The following THY1 variants were observed in gnomAD, a reference collection of about 807,000 sequenced individuals.
The protein encoded by THY1 is Thy-1 cell surface antigen.
In THY1, 10 loss-of-function variants were observed where a neutral mutation model predicts 14.9. That is an observed-to-expected ratio of 0.67 (90% CI 0.41 to 1.14). The LOEUF (loss-of-function observed/expected upper bound fraction) is 1.14, where lower values mean the gene tolerates loss of function less well. Among genes scored for constraint, THY1 ranks in the 50% most tolerant of loss-of-function variants. The pLI, the probability that THY1 is intolerant of heterozygous loss-of-function variation, is 0.00. For missense variants in THY1, 159 were observed against 202.1 expected, an observed-to-expected ratio of 0.79 and a Z score of 1.29; for synonymous variants, 80 against 90.0, an observed-to-expected ratio of 0.89 and a Z score of 0.63.
In THY1 at chr11:119,417,445, G is replaced by C. The variant is rs1861799794; in HGVS notation, c.*1963C>G. 2 of 152,176 alleles carry C rather than the reference G, an allele frequency of 1.3e-5. No homozygotes were observed. The highest frequency in any genetic ancestry group is 4.8e-5 in the African/African-American group (2 of 41,426). 9.4% of individuals were successfully genotyped at this position (152,176 alleles called of 1,614,324 possible). ...TCATCCTACCCAGTGCTAAATATCA[G>C]ATGAGTCAGCCTCTGGGCAGCTGTC... On this transcript the variant is annotated 3_prime_UTR_variant, in exon 4 of 4. Transcript: ENST00000284240.
chr11:119,418,686 A>C lies in THY1; in HGVS notation c.*722T>G, dbSNP rs1591357688. 1 of 152,808 alleles carries C rather than the reference A, an allele frequency of 6.5e-6. No individual in the cohort carries two copies. Among genetic ancestry groups the C allele is most frequent in the Non-Finnish European group, 1.5e-5 (1 of 68,546 alleles). The allele number at this position is 152,808 out of a possible 1,614,324, so 9.5% of individuals were successfully genotyped here. A position where few individuals can be genotyped will look rare whatever the true frequency, so the allele number is the denominator to read the frequency against. On this transcript the variant is annotated 3_prime_UTR_variant, in exon 4 of 4. Transcript: ENST00000284240. The stretch of plus-strand genomic sequence containing the variant: ...AGGCAGGGAGGGATGATGAACCCTC[A>C]TCCTTTACCTCCTTCTCCAACCCTC...
In THY1 at chr11:119,418,941, G is replaced by C. The variant is rs868584768; in HGVS notation, c.*467C>G. 9 of 244,766 alleles carry C rather than the reference G, an allele frequency of 3.7e-5. 1 individual carries two copies. The highest frequency in any genetic ancestry group is 1.1e-4 in the South Asian group (2 of 17,736). The allele number at this position is 244,766 out of a possible 1,614,324, so 15.2% of individuals were successfully genotyped here. ...CCAGCCATGCCTGCCGAGGAGTGCTGTCAGGACAGACCATGTCCGTGCTAG... is the reference window on the plus strand; with the variant it reads ...CCAGCCATGCCTGCCGAGGAGTGCTCTCAGGACAGACCATGTCCGTGCTAG... On this transcript the variant is annotated 3_prime_UTR_variant, in exon 4 of 4. Coordinates refer to ENST00000284240, the MANE Select transcript of THY1 (RefSeq NM_006288.5).
intron 2 of THY1, 177 bp downstream of exon 2, chr11:119,420,692 T>C (rs1591359639): frequency 1.2e-6 from 1 of 836,132 alleles, no homozygotes; most frequent in Non-Finnish European, 1.9e-6. Flanking sequence ...AAACTGTGTT[T>C]TCAAAAACCA....
Position 119,415,889 on chromosome 11 carries a change from T to C in THY1, c.*3519A>G, listed in dbSNP as rs2135430385. On this transcript the variant is annotated 3_prime_UTR_variant, in exon 4 of 4. Transcript: ENST00000284240. ...TCCAGCTCCAACATTTTCTCACTAG[T>C]AAATGAGATGATTTACTCTTGACTT... 6.7e-6 allele frequency among the ~76,000 whole-genome samples: 1 copy of C among 150,284 alleles called. No individual in the cohort carries two copies. The highest frequency in any genetic ancestry group is 6.7e-5 in the Admixed American group (1 of 15,006).
At chr11:119,423,172 TGCAC>T (rs1861947009), upstream of THY1, 1 of 454,906 alleles carries the variant, frequency 2.2e-6, no homozygotes, top group Admixed American at 2.4e-5. Flanking sequence ...CTCCGGTTGC[TGCAC>T]CCAGCTCGGA....
chr11:119,417,152 C>T lies in THY1; in HGVS notation c.*2256G>A, dbSNP rs1222129123. 6.6e-6 allele frequency among the ~76,000 whole-genome samples: 1 copy of T among 152,232 alleles called. No homozygotes were observed. The highest frequency in any genetic ancestry group is 1.5e-5 in the Non-Finnish European group (1 of 68,032). On this transcript the variant is annotated 3_prime_UTR_variant, in exon 4 of 4. Coordinates refer to ENST00000284240, the MANE Select transcript of THY1 (RefSeq NM_006288.5). Reference sequence around the variant, plus strand: ...AGCTCTTCTCACCAAGATGCCTTTCCTTGGCACGGCGCTTGCAGCCCAAGC... The same window carrying T: ...AGCTCTTCTCACCAAGATGCCTTTCTTTGGCACGGCGCTTGCAGCCCAAGC...
chr11:119,424,022 C>G (rs139441841), upstream of THY1: 1 of 152,558 alleles, frequency 6.6e-6, no homozygotes, highest in Non-Finnish European at 1.5e-5. Context: ...CCATCTCAAT[C>G]CTCACCTCCT....
chr11:119,420,814 T>A, intron 2 of THY1, 55 bp downstream of exon 2: 2 of 1,608,802 alleles, frequency 1.2e-6, no homozygotes, highest in Non-Finnish European at 1.7e-6. Context: ...GCTGCTTCTC[T>A]GGAGGGAAGG....
At chr11:119,419,601 G>GGT (rs1861855722) in intron 3 of THY1, 81 bp from the exon 4 acceptor site, 2 of 1,132,024 alleles carry the variant, frequency 1.8e-6, no homozygotes, top group Non-Finnish European at 2.7e-6. Context: ...CCAAAGCAAG[G>GGT]GTGTACTCCC....
chr11:119,419,079 A>G lies in THY1; in HGVS notation c.*329T>C, dbSNP rs1861838590. 2.8e-6 allele frequency: 1 copy of G among 362,228 alleles called. No individual in the cohort carries two copies. 22.4% of individuals were successfully genotyped at this position (362,228 alleles called of 1,614,324 possible). ...ACCCCACCATCCCACTACCCCTCAC[A>G]TGCTCTCACTCTCCATCAGGTCCCC... On this transcript the variant is annotated 3_prime_UTR_variant, in exon 4 of 4. Transcript: ENST00000284240.
chr11:119,420,778 C>A, intron 2 of THY1, 91 bp downstream of exon 2: 4 of 1,490,166 alleles, frequency 2.7e-6, no homozygotes, highest in Non-Finnish European at 3.7e-6. Flanking sequence ...TTGTCACCTG[C>A]GCTTTTCTGA....
At position 119,416,190 on chromosome 11, in the gene THY1, G is replaced by A. The variant is rs1246665820; in HGVS notation, c.*3218C>T. Among the ~76,000 whole-genome samples, 1 of 152,184 alleles carries A rather than the reference G, an allele frequency of 6.6e-6. No homozygotes were observed. The highest frequency in any genetic ancestry group is 2.1e-4 in the South Asian group (1 of 4,818). ...GCAGAGAGGGGCTTCTGTTGCTCTTGAGCGGGAATTCCACGGCCCTAGGTA... is the reference window on the plus strand; with the variant it reads ...GCAGAGAGGGGCTTCTGTTGCTCTTAAGCGGGAATTCCACGGCCCTAGGTA... On this transcript the variant is annotated 3_prime_UTR_variant, in exon 4 of 4. Transcript: ENST00000284240.
chr11:119,419,578 G>T, intron 3 of THY1, 58 bp from the exon 4 acceptor site: 1 of 1,382,120 alleles, frequency 7.2e-7, no homozygotes, highest in Non-Finnish European at 1.0e-6. Context: ...TCAGGACTCA[G>T]GCAGGCACAG....
In THY1 at chr11:119,416,707, G is replaced by A. The variant is rs571061851; in HGVS notation, c.*2701C>T. On this transcript the variant is annotated 3_prime_UTR_variant, in exon 4 of 4. Coordinates refer to ENST00000284240, the MANE Select transcript of THY1 (RefSeq NM_006288.5). Reference sequence around the variant, plus strand: ...TCGAACTCCTGACCTCAAGCGATCCGCCTCTTCCCAAAGTGGTGGGATTAC... The same window carrying A: ...TCGAACTCCTGACCTCAAGCGATCCACCTCTTCCCAAAGTGGTGGGATTAC... 2.0e-5 allele frequency among the ~76,000 whole-genome samples: 3 copies of A among 152,122 alleles called. No homozygotes were observed. The highest frequency in any genetic ancestry group is 2.9e-5 in the Non-Finnish European group (2 of 68,012).
At chr11:119,421,142 C>T (rs1034277976) in intron 1 of THY1, 28 of 499,642 alleles carry the variant, frequency 5.6e-5, no homozygotes, top group African/African-American at 2.3e-4. Context: ...AGCCCAGTCA[C>T]GGTGTGTTTC....
Position 119,416,919 on chromosome 11 carries a change from C to G in THY1, c.*2489G>C, listed in dbSNP as rs199703160. Among the ~76,000 whole-genome samples the G allele has an allele frequency of 3.0e-4, 45 of 152,352 alleles. No individual in the cohort carries two copies. The highest frequency in any genetic ancestry group is 2.1e-3 in the East Asian group (11 of 5,192). Reference sequence around the variant, plus strand: ...ATGGCTGCAGAGGGCAACACCATCTCCCAGCACCCTTCTAAGAGTGTGGCT... The same window carrying G: ...ATGGCTGCAGAGGGCAACACCATCTGCCAGCACCCTTCTAAGAGTGTGGCT... On this transcript the variant is annotated 3_prime_UTR_variant, in exon 4 of 4. Coordinates refer to ENST00000284240, the MANE Select transcript of THY1 (RefSeq NM_006288.5).
At chr11:119,421,649 G>A (rs1861902558) in intron 1 of THY1, 1 of 152,250 alleles carries the variant, frequency 6.6e-6, no homozygotes, top group African/African-American at 2.4e-5. Flanking sequence ...ACCAACATCT[G>A]GCGATGACTG....
chr11:119,423,569 C>T (rs185030375), upstream of THY1: 214 of 205,950 alleles, frequency 1.0e-3, no homozygotes, highest in African/African-American at 4.9e-3. Context: ...GCCGGGAGCG[C>T]CCACGCCTCC....
At position 119,419,207 on chromosome 11, in the gene THY1, C is replaced by T; in HGVS notation, c.*201G>A. ...GGAACAAAAAGTACAAAAAGACAGC[C>T]AGAGGTGTGCGGAGAGGGTGAGGTG... On this transcript the variant is annotated 3_prime_UTR_variant, in exon 4 of 4. Coordinates refer to ENST00000284240, the MANE Select transcript of THY1 (RefSeq NM_006288.5). The T allele has an allele frequency of 3.1e-6, 2 of 642,294 alleles. No individual in the cohort carries two copies. The highest frequency in any genetic ancestry group is 2.9e-5 in the East Asian group (1 of 34,858). The allele number at this position is 642,294 out of a possible 1,614,324, so 39.8% of individuals were successfully genotyped here. A position where few individuals can be genotyped will look rare whatever the true frequency, so the allele number is the denominator to read the frequency against.
Sources: allele counts gnomAD v4.1 joint callset (sites outside exome capture counted in the v4.1 genomes callset), GRCh38; gene constraint gnomAD v4.1.1; transcripts MANE v1.5; gene names NCBI Gene and HGNC (gene_info 2026-07-23, HGNC 2026-07-21).